The following ENTREP2 variants were observed in gnomAD, a reference collection of about 807,000 sequenced individuals.
ENTREP2 encodes the protein endosomal transmembrane epsin interactor 2.
At chr15:29,603,559 C>T in the ENTREP2 span, among the ~76,000 whole-genome samples, 6,654 of 152,126 alleles carry the variant, frequency 0.044, 184 homozygotes, top group Non-Finnish European at 0.056. Flanking sequence ...AAGAGAGAAC[C>T]CTGGGAAGCA....
chr15:29,444,218 GAA>G, the ENTREP2 span, among the ~76,000 whole-genome samples: 4 of 148,136 alleles, frequency 2.7e-5, no homozygotes, highest in African/African-American at 7.7e-5. Context: ...AAGAAAGAAA[GAA>G]AGAAAGAAAG....
At chr15:29,574,061 G>A in the ENTREP2 span, among the ~76,000 whole-genome samples, 1 of 152,144 alleles carries the variant, frequency 6.6e-6, no homozygotes, top group Non-Finnish European at 1.5e-5. Flanking sequence ...AAGGGAAGGA[G>A]AAAGGTAGGG....
At chr15:29,287,309 C>T in the ENTREP2 span, among the ~76,000 whole-genome samples, 148 of 150,990 alleles carry the variant, frequency 9.8e-4, 3 homozygotes, top group East Asian at 3.7e-3. Flanking sequence ...AGCAAATAGC[C>T]GTGCCTGCAT....
At chr15:29,380,790 T>C in the ENTREP2 span, among the ~76,000 whole-genome samples, 1 of 151,970 alleles carries the variant, frequency 6.6e-6, no homozygotes, top group Admixed American at 6.6e-5. Flanking sequence ...CGATCATACA[T>C]ATGCATGTAT....
the ENTREP2 span, among the ~76,000 whole-genome samples, chr15:29,416,370 T>A: frequency 4.1e-3 from 626 of 152,236 alleles, 2 homozygotes; most frequent in Non-Finnish European, 4.0e-3. Flanking sequence ...GATCTTTGAC[T>A]AACCTGACAA....
the ENTREP2 span, among the ~76,000 whole-genome samples, chr15:29,542,652 C>T: frequency 6.6e-6 from 1 of 152,166 alleles, no homozygotes; most frequent in Non-Finnish European, 1.5e-5. Context: ...CGTACATTCA[C>T]ATTGTTGTGC....
the ENTREP2 span, among the ~76,000 whole-genome samples, chr15:29,144,832 G>C: frequency 1.3e-5 from 2 of 152,106 alleles, no homozygotes; most frequent in East Asian, 3.9e-4. Context: ...CTGAGGTCAG[G>C]AGTCCAAGAC....
the ENTREP2 span, among the ~76,000 whole-genome samples, chr15:29,546,974 T>C: frequency 4.7e-5 from 7 of 149,894 alleles, no homozygotes; most frequent in Admixed American, 1.3e-4. Context: ...TAAAGAGATA[T>C]GGAGCATTCA....
the ENTREP2 span, among the ~76,000 whole-genome samples, chr15:29,635,710 T>C: frequency 1.3e-5 from 2 of 152,160 alleles, no homozygotes; most frequent in African/African-American, 4.8e-5. Context: ...CCATGCGCTG[T>C]TGATGATGTG....
At chr15:29,178,969 T>A in the ENTREP2 span, among the ~76,000 whole-genome samples, 1 of 152,234 alleles carries the variant, frequency 6.6e-6, no homozygotes, top group Non-Finnish European at 1.5e-5. Context: ...GATACTGAGC[T>A]ATAAACTAGA....
chr15:29,435,580 G>A, the ENTREP2 span, among the ~76,000 whole-genome samples: 1 of 151,868 alleles, frequency 6.6e-6, no homozygotes, highest in Non-Finnish European at 1.5e-5. Context: ...TTGTTATTTG[G>A]TTCTAATCAA....
the ENTREP2 span, among the ~76,000 whole-genome samples, chr15:29,661,416 GTC>G: frequency 6.6e-6 from 1 of 152,062 alleles, no homozygotes; most frequent in Non-Finnish European, 1.5e-5. Context: ...GGCCAGGCTG[GTC>G]ACGAACTCCT....
chr15:29,581,508 T>A, the ENTREP2 span, among the ~76,000 whole-genome samples: 772 of 152,262 alleles, frequency 5.1e-3, 10 homozygotes, highest in African/African-American at 0.018. Flanking sequence ...AAATAATATT[T>A]GGCCAAATAT....
the ENTREP2 span, among the ~76,000 whole-genome samples, chr15:29,285,478 G>A: frequency 6.6e-6 from 1 of 152,154 alleles, no homozygotes; most frequent in African/African-American, 2.4e-5. Context: ...CAGAGAAAGT[G>A]GGCAAATTCC....
At chr15:29,321,322 C>A in the ENTREP2 span, among the ~76,000 whole-genome samples, 1 of 152,058 alleles carries the variant, frequency 6.6e-6, no homozygotes, top group Non-Finnish European at 1.5e-5. Context: ...TCCCACCAAC[C>A]TAGACATGTA....
chr15:29,396,183 C>G, the ENTREP2 span, among the ~76,000 whole-genome samples: 3 of 152,162 alleles, frequency 2.0e-5, no homozygotes, highest in African/African-American at 7.2e-5. Flanking sequence ...AGTATAGTCA[C>G]TATGCTGTAC....
the ENTREP2 span, chr15:29,137,114 G>T: frequency 6.8e-7 from 1 of 1,471,098 alleles, no homozygotes; most frequent in South Asian, 1.4e-5. Context: ...TGAACTCGTC[G>T]AAATCCAGGG....
the ENTREP2 span, among the ~76,000 whole-genome samples, chr15:29,560,999 T>C: frequency 4.3e-4 from 1 of 2,318 alleles, no homozygotes. Context: ...GGTTGAGTAG[T>C]TGCCACATCA....
the ENTREP2 span, chr15:29,570,800 G>A: frequency 5.1e-6 from 3 of 585,476 alleles, no homozygotes; most frequent in African/African-American, 2.1e-5. Context: ...CAGAGGGTCC[G>A]AGGCAAGTTG....
Sources: allele counts gnomAD v4.1 joint callset (sites outside exome capture counted in the v4.1 genomes callset), GRCh38; gene constraint gnomAD v4.1.1; transcripts MANE v1.5; gene names NCBI Gene and HGNC (gene_info 2026-07-23, HGNC 2026-07-21).